ABTB3: variants seen among roughly 807,000 people sequenced by gnomAD.
ABTB3 encodes ankyrin repeat- and BTB/POZ domain-containing protein 3.
the ABTB3 span, among the ~76,000 whole-genome samples, chr12:107,346,127 G>T: frequency 6.6e-6 from 1 of 152,192 alleles, no homozygotes; most frequent in African/African-American, 2.4e-5. Flanking sequence ...CCATCCAGCT[G>T]CCCTGCACAC....
the ABTB3 span, among the ~76,000 whole-genome samples, chr12:107,515,575 A>G: frequency 6.6e-6 from 1 of 152,198 alleles, no homozygotes; most frequent in Non-Finnish European, 1.5e-5. Context: ...GAATTGGCCC[A>G]AGATTCATTG....
At chr12:107,456,855 CTTTT>C in the ABTB3 span, among the ~76,000 whole-genome samples, 1 of 151,306 alleles carries the variant, frequency 6.6e-6, no homozygotes, top group Non-Finnish European at 1.5e-5. Flanking sequence ...AGTAGTCTTT[CTTTT>C]CTTTTTTTTT....
At chr12:107,563,960 CAT>C in the ABTB3 span, among the ~76,000 whole-genome samples, 1 of 152,100 alleles carries the variant, frequency 6.6e-6, no homozygotes, top group African/African-American at 2.4e-5. Context: ...ACCAGATTTC[CAT>C]GTTAGTGCAT....
the ABTB3 span, among the ~76,000 whole-genome samples, chr12:107,634,283 GT>G: frequency 1.6e-4 from 25 of 152,166 alleles, no homozygotes; most frequent in Non-Finnish European, 2.1e-4. Context: ...AATATTTATT[GT>G]TTTTATCACA....
chr12:107,587,249 G>A, the ABTB3 span, among the ~76,000 whole-genome samples: 1 of 152,228 alleles, frequency 6.6e-6, no homozygotes, highest in Non-Finnish European at 1.5e-5. Context: ...TCGCAGATTT[G>A]TAAACAAGGA....
chr12:107,656,811 C>A, the ABTB3 span, among the ~76,000 whole-genome samples: 5 of 152,220 alleles, frequency 3.3e-5, no homozygotes, highest in Non-Finnish European at 7.3e-5. Flanking sequence ...AGTTTCCCCA[C>A]CTGTACCAGG....
the ABTB3 span, among the ~76,000 whole-genome samples, chr12:107,485,050 ATCTTTC>A: frequency 1.6e-4 from 25 of 152,284 alleles, no homozygotes; most frequent in South Asian, 5.2e-3. Flanking sequence ...CATATGTTCT[ATCTTTC>A]CATGCATGTA....
At chr12:107,551,941 G>A in the ABTB3 span, among the ~76,000 whole-genome samples, 1,319 of 152,146 alleles carry the variant, frequency 8.7e-3, 25 homozygotes, top group African/African-American at 0.028. Flanking sequence ...TAGTAGAGAT[G>A]GGGTTTCACC....
chr12:107,522,875 C>T, the ABTB3 span, among the ~76,000 whole-genome samples: 1 of 151,934 alleles, frequency 6.6e-6, no homozygotes, highest in African/African-American at 2.4e-5. Flanking sequence ...AAGGGATAAT[C>T]AAGGTTGGGG....
At chr12:107,434,479 T>C in the ABTB3 span, among the ~76,000 whole-genome samples, 20 of 152,324 alleles carry the variant, frequency 1.3e-4, no homozygotes, top group South Asian at 3.9e-3. Context: ...AATCATCACA[T>C]ACTCAGATGC....
chr12:107,591,340 C>T, the ABTB3 span, among the ~76,000 whole-genome samples: 4 of 152,144 alleles, frequency 2.6e-5, no homozygotes, highest in African/African-American at 4.8e-5. Flanking sequence ...ATTGACTCAG[C>T]GATCCACAGT....
the ABTB3 span, among the ~76,000 whole-genome samples, chr12:107,637,984 G>A: frequency 1.3e-5 from 2 of 152,026 alleles, no homozygotes; most frequent in East Asian, 1.9e-4. Context: ...GCAGGTTACC[G>A]AGCAGAGAGA....
the ABTB3 span, among the ~76,000 whole-genome samples, chr12:107,353,743 G>A: frequency 6.4e-4 from 98 of 152,202 alleles, no homozygotes; most frequent in Non-Finnish European, 1.1e-3. Flanking sequence ...GCCTCCTATC[G>A]GATCAGCGGC....
the ABTB3 span, among the ~76,000 whole-genome samples, chr12:107,380,207 C>A: frequency 6.6e-6 from 1 of 152,140 alleles, no homozygotes; most frequent in Non-Finnish European, 1.5e-5. Flanking sequence ...TGCTGCTTTG[C>A]GTTTTATCAC....
the ABTB3 span, among the ~76,000 whole-genome samples, chr12:107,478,438 G>A: frequency 2.0e-5 from 3 of 152,180 alleles, no homozygotes; most frequent in Admixed American, 1.3e-4. Flanking sequence ...CTGGCACACA[G>A]TAGGTGCTCA....
chr12:107,459,431 G>A, the ABTB3 span, among the ~76,000 whole-genome samples: 10 of 152,180 alleles, frequency 6.6e-5, no homozygotes, highest in Non-Finnish European at 7.3e-5. Context: ...CTGCTCTTGC[G>A]GACCTTACCA....
the ABTB3 span, chr12:107,580,898 A>T: frequency 6.4e-7 from 1 of 1,551,216 alleles, no homozygotes; most frequent in East Asian, 2.4e-5. Context: ...CATTATCCCC[A>T]GGCTACAGAT....
At chr12:107,578,042 T>G in the ABTB3 span, among the ~76,000 whole-genome samples, 1 of 152,314 alleles carries the variant, frequency 6.6e-6, no homozygotes, top group Non-Finnish European at 1.5e-5. Context: ...GCAAGATTTT[T>G]TCTTCAGCAT....
At chr12:107,634,117 G>T in the ABTB3 span, among the ~76,000 whole-genome samples, 141 of 152,294 alleles carry the variant, frequency 9.3e-4, 1 homozygote, top group African/African-American at 3.1e-3. Context: ...TGTTCCTTCT[G>T]TGATCTACCC....
Sources: allele counts gnomAD v4.1 joint callset (sites outside exome capture counted in the v4.1 genomes callset), GRCh38; gene constraint gnomAD v4.1.1; transcripts MANE v1.5; gene names NCBI Gene and HGNC (gene_info 2026-07-23, HGNC 2026-07-21).